The following RIMS2 variants were observed in gnomAD, a reference collection of about 807,000 sequenced individuals.
The protein encoded by RIMS2 is regulating synaptic membrane exocytosis protein 2.
A neutral mutation model predicts 174.4 loss-of-function variants in RIMS2; 59 were observed. That is an observed-to-expected ratio of 0.34 (90% CI 0.27 to 0.42). RIMS2 has a LOEUF of 0.42. Ranked by LOEUF, RIMS2 falls within the 10% of genes least tolerant of loss-of-function variation. The pLI is 1.00. For synonymous variants in RIMS2, 606 were observed against 572.5 expected (o/e 1.06, Z -0.84); for missense variants, 1,620 against 1,666.3 (o/e 0.97, Z 0.48).
intron 3 of RIMS2, among the ~76,000 whole-genome samples, chr8:103,791,615 C>T (rs1215138892): frequency 6.6e-6 from 1 of 152,180 alleles, no homozygotes; most frequent in Non-Finnish European, 1.5e-5. Flanking sequence ...AATTAAAAGA[C>T]ACAGACTGGC....
Position 103,606,687 on chromosome 8 carries a change from A to C in RIMS2, c.177-90399A>C, listed in dbSNP as rs1178355552. Among the ~76,000 whole-genome samples, 5 of 151,910 alleles carry C rather than the reference A, an allele frequency of 3.3e-5. No individual in the cohort carries two copies. The East Asian group carries it at 7.7e-4, about 24-fold the overall frequency. Reference sequence around the variant, plus strand: ...TTGCTCTATGAATCTGGGTGCTCCTATATTGGGTGCATATATATTTAGGAT... The same window carrying C: ...TTGCTCTATGAATCTGGGTGCTCCTCTATTGGGTGCATATATATTTAGGAT... On this transcript the variant is annotated intron_variant, in intron 1 of 23. Coordinates refer to ENST00000504942, the Ensembl canonical transcript of RIMS2.
chr8:104,060,012 G>A (rs2096950535), intron 19 of RIMS2, among the ~76,000 whole-genome samples: 1 of 151,870 alleles, frequency 6.6e-6, no homozygotes, highest in African/African-American at 2.4e-5. Context: ...GTTCATCAAG[G>A]ATATTGGTCT....
At chr8:103,793,410 A>G (rs2098519568) in intron 3 of RIMS2, among the ~76,000 whole-genome samples, 1 of 152,216 alleles carries the variant, frequency 6.6e-6, no homozygotes. Flanking sequence ...TCAATAAACT[A>G]GGTATAGATG....
At chr8:103,872,492 A>C (rs921448517) in intron 3 of RIMS2, among the ~76,000 whole-genome samples, 1 of 152,220 alleles carries the variant, frequency 6.6e-6, no homozygotes, top group African/African-American at 2.4e-5. Flanking sequence ...TGCTTAAATA[A>C]AGAAGTTTAT....
chr8:103,538,873 A>G (rs1841172346), intron 1 of RIMS2, among the ~76,000 whole-genome samples: 1 of 152,218 alleles, frequency 6.6e-6, no homozygotes, highest in Non-Finnish European at 1.5e-5. Context: ...CAGTGAGAAC[A>G]TACCATGTTT....
At chr8:103,984,080 A>G (rs1482245430) in intron 16 of RIMS2, among the ~76,000 whole-genome samples, 1 of 152,174 alleles carries the variant, frequency 6.6e-6, no homozygotes, top group African/African-American at 2.4e-5. Flanking sequence ...AGGCTGAGGC[A>G]GGAGAATGGC....
At chr8:103,652,158 T>C (rs771618694) in intron 1 of RIMS2, 47 bp from the exon 2 acceptor site, 1 of 1,118,168 alleles carries the variant, frequency 8.9e-7, no homozygotes, top group Admixed American at 2.5e-5. Flanking sequence ...TAAATAGAAA[T>C]CTCTTCATAG....
intron 1 of RIMS2, among the ~76,000 whole-genome samples, chr8:103,584,896 T>A (rs532723677): frequency 7.3e-6 from 1 of 136,838 alleles, no homozygotes; most frequent in South Asian, 2.5e-4. Flanking sequence ...AGTAATAACA[T>A]TGAATGTAAA....
intron 1 of RIMS2, among the ~76,000 whole-genome samples, chr8:103,531,366 T>C (rs1401471855): frequency 2.0e-5 from 3 of 152,216 alleles, no homozygotes; most frequent in African/African-American, 7.2e-5. Context: ...AAGATTCTTA[T>C]ATATTTAGGA....
intron 1 of RIMS2, among the ~76,000 whole-genome samples, chr8:103,678,145 G>C (rs868599908): frequency 5.3e-4 from 80 of 152,136 alleles, no homozygotes; most frequent in Non-Finnish European, 9.6e-4. Context: ...TCATATCTAT[G>C]CATGTTCATA....
At chr8:103,834,773 T>A (rs1328915628) in intron 3 of RIMS2, among the ~76,000 whole-genome samples, 5 of 150,962 alleles carry the variant, frequency 3.3e-5, no homozygotes, top group Non-Finnish European at 7.4e-5. Context: ...TCTCTCTTTC[T>A]GTCTTTCTTT....
intron 19 of RIMS2, among the ~76,000 whole-genome samples, chr8:104,041,073 G>T (rs754384473): frequency 2.2e-4 from 33 of 151,604 alleles, no homozygotes; most frequent in Non-Finnish European, 4.0e-4. Context: ...TAAACTTCTG[G>T]ATCTTCTTTA....
intron 1 of RIMS2, among the ~76,000 whole-genome samples, chr8:103,584,263 G>C (rs981016655): frequency 1.3e-5 from 2 of 152,098 alleles, no homozygotes; most frequent in African/African-American, 4.8e-5. Context: ...AAACATAAAA[G>C]AGAATTAAAG....
intron 19 of RIMS2, among the ~76,000 whole-genome samples, chr8:104,017,862 G>A (rs1033192659): frequency 1.4e-4 from 22 of 152,236 alleles, no homozygotes; most frequent in Middle Eastern, 3.4e-3. Flanking sequence ...GATTGCTTGA[G>A]CTCGGGAGTT....
chr8:103,756,095 C>T (rs911239758), intron 2 of RIMS2, among the ~76,000 whole-genome samples: 3 of 152,130 alleles, frequency 2.0e-5, no homozygotes, highest in East Asian at 1.9e-4. Flanking sequence ...TGTTGGTGTC[C>T]TACAGATGGG....
At chr8:104,243,046 T>G (rs1425630404) in intron 19 of RIMS2, among the ~76,000 whole-genome samples, 1 of 152,230 alleles carries the variant, frequency 6.6e-6, no homozygotes, top group Non-Finnish European at 1.5e-5. Flanking sequence ...AATTTTGAAT[T>G]TTATGTAAAA....
intron 19 of RIMS2, among the ~76,000 whole-genome samples, chr8:104,025,543 C>A (rs923542564): frequency 6.6e-6 from 1 of 152,074 alleles, no homozygotes; most frequent in Admixed American, 6.6e-5. Flanking sequence ...TGAAACGATA[C>A]TTGTTGCATA....
At chr8:104,013,772 A>G in intron 18 of RIMS2, 151 bp downstream of exon 20, 1 of 619,058 alleles carries the variant, frequency 1.6e-6, no homozygotes, top group Non-Finnish European at 2.8e-6. Flanking sequence ...CACTATTTAT[A>G]TTCACTGGAT....
intron 4 of RIMS2, chr8:103,909,994 A>C: frequency 2.5e-6 from 1 of 393,376 alleles, no homozygotes; most frequent in Non-Finnish European, 4.6e-6. Flanking sequence ...CACTCACTAT[A>C]TATATATATA....
Sources: allele counts gnomAD v4.1 joint callset (sites outside exome capture counted in the v4.1 genomes callset), GRCh38; gene constraint gnomAD v4.1.1; transcripts MANE v1.5; gene names NCBI Gene and HGNC (gene_info 2026-07-23, HGNC 2026-07-21).